C1orf87: variants seen among roughly 807,000 people sequenced by gnomAD.
The protein encoded by C1orf87 is chromosome 1 open reading frame 87, also known as uncharacterized protein C1orf87.
In C1orf87, 58 loss-of-function variants were observed where a neutral mutation model predicts 60.5. That is an observed-to-expected ratio of 0.96 (90% CI 0.78 to 1.19). C1orf87 has a LOEUF of 1.19. Among genes scored for constraint, C1orf87 ranks in the 50% most tolerant of loss-of-function variants. The pLI, the probability that C1orf87 is intolerant of heterozygous loss-of-function variation, is 0.00. For missense variants in C1orf87, 673 were observed against 638.6 expected, an observed-to-expected ratio of 1.05 and a Z score of -0.58; for synonymous variants, 236 against 227.4, an observed-to-expected ratio of 1.04 and a Z score of -0.34.
At chr1:60,039,160 G>A (rs1645299815) in intron 5 of C1orf87, among the ~76,000 whole-genome samples, 1 of 152,138 alleles carries the variant, frequency 6.6e-6, no homozygotes, top group South Asian at 2.1e-4. Context: ...TATGCTCCAT[G>A]TCACAGAACT....
intron 9 of C1orf87, among the ~76,000 whole-genome samples, chr1:60,001,821 G>A (rs1280152887): frequency 1.3e-5 from 2 of 152,044 alleles, no homozygotes; most frequent in Admixed American, 6.6e-5. Flanking sequence ...GACGGGAAGA[G>A]GTTGAACAGC....
intron 3 of C1orf87, among the ~76,000 whole-genome samples, chr1:60,044,281 C>T (rs1301397446): frequency 6.6e-6 from 1 of 152,136 alleles, no homozygotes; most frequent in Non-Finnish European, 1.5e-5. Context: ...CTGCCCGCCT[C>T]GGCCTCCCAA....
intron 8 of C1orf87, among the ~76,000 whole-genome samples, chr1:60,011,892 T>C (rs1645087641): frequency 6.6e-6 from 1 of 152,076 alleles, no homozygotes; most frequent in Admixed American, 6.6e-5. Context: ...CATGCCACTT[T>C]GGGCACATGA....
intron 2 of C1orf87, among the ~76,000 whole-genome samples, chr1:60,063,531 G>A (rs1645511145): frequency 6.6e-6 from 1 of 152,070 alleles, no homozygotes; most frequent in African/African-American, 2.4e-5. Context: ...TTTCTACTAT[G>A]GCCCTACTGG....
intron 7 of C1orf87, among the ~76,000 whole-genome samples, chr1:60,031,528 A>G (rs1220380842): frequency 1.3e-5 from 2 of 152,180 alleles, no homozygotes; most frequent in Non-Finnish European, 2.9e-5. Flanking sequence ...CTCCTTTCTT[A>G]GGCTGTTTTG....
chr1:60,055,320 T>C lies in C1orf87; in HGVS notation c.226A>G (p.Thr76Ala). The C allele has an allele frequency of 6.2e-7, 1 of 1,614,100 alleles. No homozygotes were observed. Among genetic ancestry groups the C allele is most frequent in the South Asian group, 1.1e-5 (1 of 91,072 alleles). ...TTCACATCATCTGGATTATCAGTGG[T>C]TTGCTGATCAGTGAAGTTAATGGGA... ...PVPINFTDQQTTDNPDDVKEK... is the reference protein window; with the variant it reads ...PVPINFTDQQATDNPDDVKEK... Residue 76 changes from threonine (T) to alanine (A), a missense_variant, in exon 3 of 12, where the codon ACC (threonine) becomes GCC (alanine). Thr to Ala is a moderately conservative substitution (Grantham distance 58). Coordinates refer to ENST00000371201, the MANE Select transcript of C1orf87 (RefSeq NM_152377.3).
intron 9 of C1orf87, among the ~76,000 whole-genome samples, chr1:60,003,249 C>G (rs1433070861): frequency 2.9e-5 from 4 of 139,936 alleles, no homozygotes; most frequent in Admixed American, 7.7e-5. Flanking sequence ...CATATTCTCA[C>G]TCATAGGTGG....
chr1:60,023,653 TG>T (rs35118340), intron 8 of C1orf87, among the ~76,000 whole-genome samples: 21,124 of 152,202 alleles, frequency 0.14, 1,654 homozygotes, highest in East Asian at 0.22. Flanking sequence ...CTATGATTAA[TG>T]GACCAATATT....
chr1:60,064,830 A>G (rs868484217), intron 2 of C1orf87, among the ~76,000 whole-genome samples: 1 of 91,744 alleles, frequency 1.1e-5, no homozygotes, highest in African/African-American at 4.7e-5. Flanking sequence ...AATATATATT[A>G]AATATATAAT....
chr1:60,036,455 AG>A (rs1449073166), intron 6 of C1orf87, among the ~76,000 whole-genome samples: 1 of 152,196 alleles, frequency 6.6e-6, no homozygotes, highest in African/African-American at 2.4e-5. Context: ...AGCTGAAAGG[AG>A]TGTCCTCTAG....
chr1:60,038,224 A>T, intron 5 of C1orf87, 117 bp from the exon 6 acceptor site: 1 of 525,376 alleles, frequency 1.9e-6, no homozygotes, highest in African/African-American at 1.9e-5. Context: ...AAAAACACTT[A>T]AAAATATAGT....
At chr1:60,045,156 T>C (rs941405367) in intron 3 of C1orf87, among the ~76,000 whole-genome samples, 2 of 152,196 alleles carry the variant, frequency 1.3e-5, no homozygotes, top group African/African-American at 4.8e-5. Context: ...AGAGATAGCA[T>C]TAAATGCAGA....
At chr1:60,020,276 C>T (rs1645154121) in intron 8 of C1orf87, among the ~76,000 whole-genome samples, 1 of 152,168 alleles carries the variant, frequency 6.6e-6, no homozygotes, top group Admixed American at 6.5e-5. Flanking sequence ...TGTGCCTGTA[C>T]AGAGGCCGCA....
chr1:59,997,274 A>AT (rs1644969838), intron 11 of C1orf87, among the ~76,000 whole-genome samples: 1 of 152,088 alleles, frequency 6.6e-6, no homozygotes, highest in Non-Finnish European at 1.5e-5. Context: ...TAGGGACCAG[A>AT]TTTTGCCTTG....
At chr1:60,055,107 G>A in intron 3 of C1orf87, 97 bp downstream of exon 3, 1 of 1,076,136 alleles carries the variant, frequency 9.3e-7, no homozygotes, top group Admixed American at 2.1e-5. Flanking sequence ...ATATATTAAT[G>A]AACATTTGTA....
intron 10 of C1orf87, among the ~76,000 whole-genome samples, chr1:59,998,022 A>C (rs991402685): frequency 3.9e-5 from 6 of 152,154 alleles, no homozygotes; most frequent in African/African-American, 1.4e-4. Context: ...GTGTGTGTCT[A>C]AAGAGAAGGG....
At chr1:60,066,919 A>G (rs12067079) in intron 2 of C1orf87, among the ~76,000 whole-genome samples, 4 of 152,074 alleles carry the variant, frequency 2.6e-5, no homozygotes, top group African/African-American at 4.8e-5. Flanking sequence ...ATAAGTGAGA[A>G]CATGTGGTGT....
At chr1:60,061,530 C>T (rs1295175287) in intron 2 of C1orf87, among the ~76,000 whole-genome samples, 1 of 151,778 alleles carries the variant, frequency 6.6e-6, no homozygotes, top group Non-Finnish European at 1.5e-5. Flanking sequence ...AATTTGATTT[C>T]CAAATTTTCA....
At chr1:60,045,000 G>A (rs1260317100) in intron 3 of C1orf87, among the ~76,000 whole-genome samples, 1 of 152,196 alleles carries the variant, frequency 6.6e-6, no homozygotes, top group Non-Finnish European at 1.5e-5. Context: ...AGTTGGAAAT[G>A]TAAACAAGTC....
Sources: allele counts gnomAD v4.1 joint callset (sites outside exome capture counted in the v4.1 genomes callset), GRCh38; gene constraint gnomAD v4.1.1; transcripts MANE v1.5; gene names NCBI Gene and HGNC (gene_info 2026-07-23, HGNC 2026-07-21).